OBI1: variants seen among roughly 807,000 people sequenced by gnomAD.
The protein encoded by OBI1 is ring finger protein 219.
In OBI1, 59 loss-of-function variants were observed where a neutral mutation model predicts 62.4. That is an observed-to-expected ratio of 0.95 (90% confidence interval 0.77 to 1.17). The LOEUF is 1.17. OBI1 is among the 50% of genes most tolerant of loss of function. OBI1 has a pLI of 0.00. For missense variants in OBI1, 875 were observed against 830.9 expected (o/e 1.05, Z -0.65); for synonymous variants, 302 against 292.8 (o/e 1.03, Z -0.32).
At chr13:78,618,010 A>G (rs1001720125) in intron 5 of OBI1, among the ~76,000 whole-genome samples, 10 of 152,110 alleles carry the variant, frequency 6.6e-5, no homozygotes, top group African/African-American at 2.4e-4. Flanking sequence ...AGTACCTAGT[A>G]TAGGTTAGGT....
intron 5 of OBI1, among the ~76,000 whole-genome samples, chr13:78,630,846 T>G (rs1875823771): frequency 6.6e-6 from 1 of 152,160 alleles, no homozygotes. Context: ...CCAAAAGGAC[T>G]AACATAAATG....
intron 5 of OBI1, among the ~76,000 whole-genome samples, chr13:78,621,928 G>A (rs1001004891): frequency 2.0e-5 from 3 of 152,188 alleles, no homozygotes; most frequent in Admixed American, 6.5e-5. Flanking sequence ...TAAATTATAT[G>A]AGAAGGGAAG....
intron 4 of OBI1, 96 bp from the exon 5 acceptor site, chr13:78,635,294 A>G (rs909726225): frequency 8.3e-6 from 6 of 718,998 alleles, no homozygotes; most frequent in Non-Finnish European, 1.4e-5. Context: ...TAGAGTGATA[A>G]TATCAGAAAA....
rs771927875 is a variant in OBI1, at chr13:78,616,090, G to A, written c.1671C>T (p.Asn557=). The change falls in exon 6 of 6, where the codon AAC becomes AAT. Residue 557 remains asparagine (N), a synonymous_variant. Coordinates refer to ENST00000282003, the MANE Select transcript of OBI1 (RefSeq NM_024546.4). The part of the protein sequence containing the change: ...ESDNSKSPCN[N]GFKSLDLDGL... The stretch of plus-strand genomic sequence containing the variant: ...CATCCAAATCCAGTGACTTAAAACC[G>A]TTATTACAAGGGCTCTTGCTGTTGT... 85 of 1,614,040 alleles carry A rather than the reference G, an allele frequency of 5.3e-5. No individual in the cohort carries two copies. The highest frequency in any genetic ancestry group is 1.6e-4 in the Middle Eastern group (1 of 6,062).
intron 2 of OBI1, among the ~76,000 whole-genome samples, chr13:78,643,324 A>AG (rs1876275514): frequency 1.3e-5 from 2 of 152,172 alleles, no homozygotes; most frequent in Non-Finnish European, 2.9e-5. Context: ...GTAAAAAAAA[A>AG]CAGATAGAGG....
At position 78,616,942 on chromosome 13, in the gene OBI1, T is replaced by C. The variant is rs747206391; in HGVS notation, c.819A>G (p.Thr273=). 1 of 1,614,176 alleles carries C rather than the reference T, an allele frequency of 6.2e-7. No individual in the cohort carries two copies. ...TCCCTTTGCCATCTGCAGAAAGTGC[T>C]GTCTGGCAAATGGAATTCATAGCTT... ...EKEAMNSICQ[T]ALSADGKGSK... is the part of the protein sequence containing the mutation. The change falls in exon 6 of 6, where the codon ACA becomes ACG. Residue 273 remains threonine, a synonymous_variant. Coordinates refer to ENST00000282003, the MANE Select transcript of OBI1 (RefSeq NM_024546.4).
At chr13:78,645,807 C>T (rs569383460) in intron 1 of OBI1, among the ~76,000 whole-genome samples, 48 of 152,290 alleles carry the variant, frequency 3.2e-4, no homozygotes, top group African/African-American at 1.1e-3. Flanking sequence ...CCTGCCACCA[C>T]GCCAGCTCAT....
rs1875287820 is a variant in OBI1, at chr13:78,616,361, C to A, written c.1400G>T (p.Trp467Leu). 6.2e-7 allele frequency: 1 copy of A among 1,613,868 alleles called. No individual in the cohort carries two copies. Among genetic ancestry groups the A allele is most frequent in the African/African-American group, 1.3e-5 (1 of 75,026 alleles). ...ECFSSPKTGF[W>L]DCCSTSYAQN... ...GGCATAGCTTGTGGAACAACAGTCC[C>A]AAAATCCTGTCTTTGGGGAAGAAAA... is the stretch of plus-strand genomic sequence containing the variant. Residue 467 changes from tryptophan (W) to leucine (L), a missense_variant, in exon 6 of 6, where the codon TGG becomes TTG. Physicochemically the swap from Trp to Leu is moderately conservative, Grantham distance 61. Transcript: ENST00000282003.
chr13:78,642,381 G>GA (rs1325226178), intron 2 of OBI1, among the ~76,000 whole-genome samples, 168 bp from the exon 3 acceptor site: 114 of 150,544 alleles, frequency 7.6e-4, no homozygotes, highest in Middle Eastern at 3.4e-3. Context: ...TAATCTTGAG[G>GA]AAAAAAAAAT....
Position 78,616,942 on chromosome 13 carries a change from T to G in OBI1, c.819A>C (p.Thr273=), listed in dbSNP as rs747206391. 83 of 1,614,056 alleles carry G rather than the reference T, an allele frequency of 5.1e-5. No individual in the cohort carries two copies. Among genetic ancestry groups the G allele is most frequent in the Non-Finnish European group, 6.8e-5 (80 of 1,180,024 alleles). The change falls in exon 6 of 6, where the codon ACA becomes ACC. Residue 273 remains threonine, a synonymous_variant. Transcript: ENST00000282003. ...EKEAMNSICQ[T]ALSADGKGSK... is the part of the protein sequence containing the mutation. ...TCCCTTTGCCATCTGCAGAAAGTGC[T>G]GTCTGGCAAATGGAATTCATAGCTT...
rs893072933 is a variant in OBI1, at chr13:78,616,992, G to T, written c.769C>A (p.Leu257Ile). 1.9e-6 allele frequency: 3 copies of T among 1,613,998 alleles called. No individual in the cohort carries two copies. The African/African-American group carries it at 4.0e-5, about 22-fold the overall frequency. The change falls in exon 6 of 6, where the codon CTA (leucine) becomes ATA (isoleucine). Residue 257 changes from leucine to isoleucine, a missense_variant. Leu to Ile is a conservative substitution (Grantham distance 5). Transcript: ENST00000282003. The stretch of plus-strand genomic sequence containing the variant: ...TCTTTCTCTTCACTTGAATTTTTTA[G>T]CTGTGCAACTTGAGATTCTAGTTCC... Reference protein sequence around the residue: ...IEELESQVAQLKNSSEEKEAM... With the variant: ...IEELESQVAQIKNSSEEKEAM...
At chr13:78,656,228 T>C (rs771186527) in intron 1 of OBI1, among the ~76,000 whole-genome samples, 2 of 152,154 alleles carry the variant, frequency 1.3e-5, no homozygotes, top group Non-Finnish European at 2.9e-5. Flanking sequence ...ACTGAAAGGA[T>C]GGGGAGTTGA....
chr13:78,630,307 T>C (rs1260611706), intron 5 of OBI1, among the ~76,000 whole-genome samples: 3 of 152,142 alleles, frequency 2.0e-5, no homozygotes, highest in Admixed American at 6.5e-5. Context: ...TTCACAGAAG[T>C]AGGGAGAACA....
At chr13:78,633,432 CA>C (rs1875915576) in intron 5 of OBI1, among the ~76,000 whole-genome samples, 1 of 152,156 alleles carries the variant, frequency 6.6e-6, no homozygotes, top group Non-Finnish European at 1.5e-5. Flanking sequence ...TCCTCCTTTT[CA>C]AATGACAAGC....
intron 1 of OBI1, among the ~76,000 whole-genome samples, chr13:78,653,334 T>G (rs540497904): frequency 2.0e-5 from 3 of 152,320 alleles, no homozygotes; most frequent in Non-Finnish European, 4.4e-5. Flanking sequence ...CTCCACACAC[T>G]GCCCCATGTC....
At chr13:78,646,916 T>C (rs1876402434) in intron 1 of OBI1, among the ~76,000 whole-genome samples, 1 of 152,212 alleles carries the variant, frequency 6.6e-6, no homozygotes. Flanking sequence ...GAGCTGTTAA[T>C]CTGTAACTTT....
chr13:78,616,994 T>C lies in OBI1; in HGVS notation c.767A>G (p.Gln256Arg), dbSNP rs779462298. 2 of 1,614,236 alleles carry C rather than the reference T, an allele frequency of 1.2e-6. No homozygotes were observed. Among genetic ancestry groups the C allele is most frequent in the South Asian group, 1.1e-5 (1 of 91,086 alleles). The change falls in exon 6 of 6, where the codon CAG becomes CGG. Residue 256 changes from glutamine to arginine, a missense_variant. By Grantham distance (43) the Gln-to-Arg change is conservative. Coordinates refer to ENST00000282003, the MANE Select transcript of OBI1 (RefSeq NM_024546.4). The stretch of plus-strand genomic sequence containing the variant: ...TTTCTCTTCACTTGAATTTTTTAGC[T>C]GTGCAACTTGAGATTCTAGTTCCTC... ...YIEELESQVA[Q>R]LKNSSEEKEA...
At chr13:78,639,620 A>C (rs970249222) in intron 3 of OBI1, among the ~76,000 whole-genome samples, 1 of 147,364 alleles carries the variant, frequency 6.8e-6, no homozygotes, top group Non-Finnish European at 1.5e-5. Flanking sequence ...AGACTGGATT[A>C]AGAAAATGTG....
intron 1 of OBI1, among the ~76,000 whole-genome samples, chr13:78,647,578 A>G (rs1035806078): frequency 2.0e-5 from 3 of 152,214 alleles, no homozygotes; most frequent in African/African-American, 7.2e-5. Flanking sequence ...CTCTCCTACT[A>G]CATTCCTCTT....
Sources: gnomAD v4.1 joint callset for allele counts (sites outside exome capture counted in the v4.1 genomes callset) on GRCh38, gnomAD v4.1.1 for gene constraint, MANE v1.5 for transcripts, NCBI Gene and HGNC (gene_info 2026-07-23, HGNC 2026-07-21) for gene names.